SEMA3A: variants seen among roughly 807,000 people sequenced by gnomAD.
SEMA3A encodes semaphorin 3A, also known as semaphorin-3A.
Under a neutral mutation model 97.9 loss-of-function variants are expected in SEMA3A, and 29 were observed. The observed-to-expected ratio is 0.30, with a 90% CI of 0.22 to 0.40. SEMA3A has a LOEUF of 0.40. Among genes scored for constraint, SEMA3A ranks in the 10% least tolerant of loss-of-function variants. The pLI, the probability that SEMA3A is intolerant of heterozygous loss-of-function variation, is 1.00. For synonymous variants in SEMA3A, 321 were observed against 323.7 expected, an observed-to-expected ratio of 0.99 and a Z score of 0.09; for missense variants, 763 against 951.3, an observed-to-expected ratio of 0.80 and a Z score of 2.60.
chr7:84,206,834 T>G (rs1233319874), intron 3 of SEMA3A, among the ~76,000 whole-genome samples: 1 of 96,654 alleles, frequency 1.0e-5, no homozygotes, highest in Non-Finnish European at 2.6e-5. Context: ...TGACAGGATA[T>G]GGTAAAAAAA....
At chr7:84,270,167 T>C (rs1800107383) in intron 3 of SEMA3A, among the ~76,000 whole-genome samples, 1 of 152,004 alleles carries the variant, frequency 6.6e-6, no homozygotes, top group South Asian at 2.1e-4. Context: ...AGAGCCAGAG[T>C]GGCACTACAT....
intron 2 of SEMA3A, among the ~76,000 whole-genome samples, chr7:84,345,202 G>A (rs1205378013): frequency 1.3e-5 from 2 of 152,062 alleles, no homozygotes; most frequent in Non-Finnish European, 2.9e-5. Context: ...ACAGCATTAT[G>A]TCCAAAAAAA....
At chr7:84,245,956 C>T (rs942254123) in intron 3 of SEMA3A, among the ~76,000 whole-genome samples, 2 of 152,194 alleles carry the variant, frequency 1.3e-5, no homozygotes, top group Admixed American at 6.5e-5. Context: ...GTGCCCATAG[C>T]CGCCCCTTTC....
intron 5 of SEMA3A, among the ~76,000 whole-genome samples, chr7:84,046,809 A>G (rs1792372634): frequency 6.6e-6 from 1 of 152,066 alleles, no homozygotes; most frequent in African/African-American, 2.4e-5. Flanking sequence ...ACTTGCTTTC[A>G]TATGTGTAAA....
chr7:84,125,772 G>T (rs1795775376), intron 3 of SEMA3A, among the ~76,000 whole-genome samples: 1 of 152,126 alleles, frequency 6.6e-6, no homozygotes. Context: ...ATGCCTTGAG[G>T]TGAATAATTT....
rs911701621 is a variant in SEMA3A, at chr7:84,238,073, AT to A, written c.-82-43406del. Among the ~76,000 whole-genome samples, 1,376 of 148,114 alleles carry A rather than the reference AT, an allele frequency of 9.3e-3. 15 individuals are homozygous for A. The highest frequency in any genetic ancestry group is 0.029 in the African/African-American group (1,163 of 40,482). On this transcript the variant is annotated intron_variant, in intron 3 of 3. Coordinates refer to the SEMA3A transcript ENST00000424555. ...ATGAGAGTGCCCCAGAGGATATTCA[AT>A]TTTTTTTTTTCTTTAGATGGAGTCT...
chr7:84,387,134 CTTTAA>C (rs2116161287), intron 1 of SEMA3A, among the ~76,000 whole-genome samples: 1 of 152,192 alleles, frequency 6.6e-6, no homozygotes, highest in South Asian at 2.1e-4. Flanking sequence ...TGGATATTAG[CTTTAA>C]TTTGGAAATG....
intron 4 of SEMA3A, among the ~76,000 whole-genome samples, chr7:84,109,552 G>C (rs970293960): frequency 1.3e-5 from 2 of 152,188 alleles, no homozygotes; most frequent in Admixed American, 1.3e-4. Context: ...AGACATATTT[G>C]TATCACTTTG....
intron 13 of SEMA3A, among the ~76,000 whole-genome samples, chr7:83,984,182 C>T (rs531092724): frequency 6.6e-5 from 10 of 152,080 alleles, no homozygotes; most frequent in African/African-American, 2.4e-4. Flanking sequence ...TGAGGCCTAG[C>T]AGAGAATAAA....
At chr7:84,095,410 GA>G (rs1048408228) in intron 4 of SEMA3A, among the ~76,000 whole-genome samples, 19 of 119,112 alleles carry the variant, frequency 1.6e-4, no homozygotes, top group Non-Finnish European at 2.4e-4. Flanking sequence ...ACATTTGTAG[GA>G]AACTCCCTTC....
At chr7:84,094,568 C>T (rs1027757517) in intron 4 of SEMA3A, among the ~76,000 whole-genome samples, 1 of 152,018 alleles carries the variant, frequency 6.6e-6, no homozygotes, top group African/African-American at 2.4e-5. Context: ...ATGTCATCTG[C>T]TAGATATAAG....
intron 2 of SEMA3A, among the ~76,000 whole-genome samples, chr7:84,356,525 T>C (rs558997442): frequency 2.2e-4 from 34 of 151,764 alleles, no homozygotes; most frequent in Non-Finnish European, 2.1e-4. Flanking sequence ...TCTCTAATTA[T>C]AAGCAGTGAT....
intron 1 of SEMA3A, among the ~76,000 whole-genome samples, chr7:84,481,011 T>C (rs1278198939): frequency 1.3e-5 from 2 of 152,180 alleles, no homozygotes; most frequent in Non-Finnish European, 2.9e-5. Flanking sequence ...GCCTATGGCA[T>C]GAGGGTGACT....
In SEMA3A at chr7:84,323,127, C is replaced by T. The variant is rs1372286588; in HGVS notation, c.-168-15835G>A. On this transcript the variant is annotated intron_variant, in intron 2 of 3. Coordinates refer to the SEMA3A transcript ENST00000424555. Reference sequence around the variant, plus strand: ...CATGATCAAATACTATGATTAAATGCATAATAAATGCTCCATAAGTATTAA... The same window carrying T: ...CATGATCAAATACTATGATTAAATGTATAATAAATGCTCCATAAGTATTAA... Among the ~76,000 whole-genome samples the T allele has an allele frequency of 2.0e-5, 3 of 152,124 alleles. No homozygotes were observed. In the East Asian group the frequency reaches 5.8e-4, roughly 29 times the overall value.
chr7:84,038,074 T>G (rs925352500), intron 6 of SEMA3A, among the ~76,000 whole-genome samples: 2 of 152,170 alleles, frequency 1.3e-5, no homozygotes, highest in African/African-American at 4.8e-5. Context: ...TTTTGTCATG[T>G]GTAAGTAACT....
chr7:84,071,192 A>C (rs1312405989), intron 4 of SEMA3A, among the ~76,000 whole-genome samples: 2 of 152,168 alleles, frequency 1.3e-5, no homozygotes, highest in East Asian at 1.9e-4. Context: ...TCACATTTCA[A>C]GATGTCAATA....
intron 3 of SEMA3A, among the ~76,000 whole-genome samples, chr7:84,112,647 G>GATTA (rs1404951161): frequency 6.6e-6 from 1 of 152,140 alleles, no homozygotes; most frequent in African/African-American, 2.4e-5. Flanking sequence ...CTTATAGATT[G>GATTA]AATAACTGAC....
intron 2 of SEMA3A, among the ~76,000 whole-genome samples, chr7:84,132,479 C>G (rs919408515): frequency 6.6e-6 from 1 of 151,670 alleles, no homozygotes; most frequent in Non-Finnish European, 1.5e-5. Flanking sequence ...AATATATACT[C>G]ACAGAAAAAT....
At chr7:84,293,797 G>A (rs1225332809) in intron 3 of SEMA3A, among the ~76,000 whole-genome samples, 10 of 152,042 alleles carry the variant, frequency 6.6e-5, no homozygotes, top group East Asian at 3.9e-4. Context: ...AAAACAATCC[G>A]TATATGAACT....
Sources: gnomAD v4.1 joint callset for allele counts (sites outside exome capture counted in the v4.1 genomes callset) on GRCh38, gnomAD v4.1.1 for gene constraint, MANE v1.5 for transcripts, NCBI Gene and HGNC (gene_info 2026-07-23, HGNC 2026-07-21) for gene names.